Variants in KLRG1 observed in about 807,000 individuals in gnomAD.
KLRG1 encodes killer cell lectin-like receptor subfamily G member 1.
A neutral mutation model predicts 21.8 loss-of-function variants in KLRG1; 16 were observed. That is an observed-to-expected ratio of 0.73 (90% confidence interval 0.50 to 1.11). The LOEUF is 1.11. KLRG1 is among the 50% of genes most tolerant of loss of function. KLRG1 has a pLI of 0.00. For missense variants in KLRG1, 173 were observed against 218.3 expected, an observed-to-expected ratio of 0.79 and a Z score of 1.31; for synonymous variants, 69 against 75.9, an observed-to-expected ratio of 0.91 and a Z score of 0.47.
chr12:9,152,882 G>C, the KLRG1 span: 4 of 1,614,030 alleles, frequency 2.5e-6, no homozygotes, highest in Non-Finnish European at 3.4e-6. Context: ...CAAGTTTGGG[G>C]CACAGTCTGC....
chr12:9,080,407 G>A, the KLRG1 span: 4 of 314,290 alleles, frequency 1.3e-5, no homozygotes, highest in East Asian at 5.4e-5. Flanking sequence ...ATGTAGAATC[G>A]CATGCCAAAT....
At chr12:9,148,390 T>A in the KLRG1 span, among the ~76,000 whole-genome samples, 1 of 152,212 alleles carries the variant, frequency 6.6e-6, no homozygotes, top group Non-Finnish European at 1.5e-5. Context: ...ACTGTTACTT[T>A]TATCTTTAAA....
At chr12:9,105,827 C>T in the KLRG1 span, among the ~76,000 whole-genome samples, 6 of 152,162 alleles carry the variant, frequency 3.9e-5, no homozygotes, top group African/African-American at 1.4e-4. Flanking sequence ...CACCTACCCA[C>T]CTGTTTCCAT....
the KLRG1 span, chr12:9,065,148 T>TCC: frequency 9.3e-5 from 1 of 10,780 alleles, no homozygotes; most frequent in African/African-American, 3.7e-4. Flanking sequence ...AACATTCCCT[T>TCC]CCTCCCCCCC....
chr12:9,105,148 T>G, the KLRG1 span, among the ~76,000 whole-genome samples: 1 of 152,188 alleles, frequency 6.6e-6, no homozygotes, highest in Non-Finnish European at 1.5e-5. Context: ...CAATTCTTTT[T>G]CAGTATAAGC....
chr12:9,169,365 T>C, the KLRG1 span: 1 of 1,394,116 alleles, frequency 7.2e-7, no homozygotes, highest in Non-Finnish European at 9.8e-7. Flanking sequence ...TATGAATAGA[T>C]ACAGAGTTTT....
chr12:9,004,233 A>T (rs1006506739), intron 3 of KLRG1, among the ~76,000 whole-genome samples: 7 of 152,300 alleles, frequency 4.6e-5, no homozygotes, highest in East Asian at 1.9e-4. Context: ...ATGGGATGGC[A>T]GGGTCAAATG....
the KLRG1 span, among the ~76,000 whole-genome samples, chr12:9,155,492 A>ATTG: frequency 3.6e-4 from 54 of 151,274 alleles, no homozygotes; most frequent in African/African-American, 1.1e-3. Context: ...TGTTGTTGTT[A>ATTG]TTGTTGTTGT....
the KLRG1 span, among the ~76,000 whole-genome samples, chr12:9,139,670 C>T: frequency 6.6e-6 from 1 of 152,098 alleles, no homozygotes. Context: ...ACCCTTTTAT[C>T]ATTATAAAAT....
the KLRG1 span, among the ~76,000 whole-genome samples, chr12:9,144,974 G>T: frequency 9.9e-5 from 15 of 152,190 alleles, no homozygotes; most frequent in Non-Finnish European, 4.4e-5. Flanking sequence ...CCAAGATGAT[G>T]ATACTCCTGC....
the KLRG1 span, chr12:9,160,210 C>A: frequency 1.6e-6 from 2 of 1,231,290 alleles, no homozygotes; most frequent in South Asian, 2.9e-5. Context: ...TTGTTGTTTT[C>A]ATAAAAATTA....
chr12:9,152,801 G>T, the KLRG1 span: 1 of 1,606,792 alleles, frequency 6.2e-7, no homozygotes, highest in Non-Finnish European at 8.5e-7. Flanking sequence ...CCAAAGATAG[G>T]TGATTAGGTT....
chr12:8,983,322 T>A (rs994206427), intron 1 of KLRG1, among the ~76,000 whole-genome samples: 1 of 151,992 alleles, frequency 6.6e-6, no homozygotes, highest in Non-Finnish European at 1.5e-5. Context: ...GAAAATATTT[T>A]TACTTCCTCT....
the KLRG1 span, chr12:9,077,413 A>G: frequency 3.1e-6 from 5 of 1,612,382 alleles, no homozygotes; most frequent in Non-Finnish European, 4.2e-6. Flanking sequence ...TTCATCTTCT[A>G]CTCCTCCCTG....
chr12:9,158,473 T>C, the KLRG1 span: 1 of 1,614,202 alleles, frequency 6.2e-7, no homozygotes, highest in Non-Finnish European at 8.5e-7. Flanking sequence ...CCATTGTCCT[T>C]CTGCATCTGG....
the KLRG1 span, among the ~76,000 whole-genome samples, chr12:9,064,109 C>T: frequency 6.6e-6 from 1 of 152,216 alleles, no homozygotes; most frequent in African/African-American, 2.4e-5. The surrounding 1 kb of genome is among the most constrained non-coding windows in gnomAD (Gnocchi z 4.0). Context: ...ATACTTTCTC[C>T]TGGCCTTTTT....
chr12:9,122,486 C>T, the KLRG1 span, among the ~76,000 whole-genome samples: 1 of 152,152 alleles, frequency 6.6e-6, no homozygotes, highest in Admixed American at 6.5e-5. Flanking sequence ...CTTAATTACT[C>T]AGATGATGCT....
At chr12:9,053,132 T>C in the KLRG1 span, among the ~76,000 whole-genome samples, 2 of 152,112 alleles carry the variant, frequency 1.3e-5, no homozygotes, top group Admixed American at 6.5e-5. Context: ...ATCCCAGAGA[T>C]ATGCACATTA....
chr12:9,056,155 T>C, the KLRG1 span, among the ~76,000 whole-genome samples: 1 of 152,046 alleles, frequency 6.6e-6, no homozygotes, highest in Non-Finnish European at 1.5e-5. Context: ...AAACACACAA[T>C]GGGAGAAAAG....
Sources: allele counts gnomAD v4.1 joint callset (sites outside exome capture counted in the v4.1 genomes callset), GRCh38; gene constraint gnomAD v4.1.1; non-coding constraint Gnocchi (gnomAD v3.1); transcripts MANE v1.5; gene names NCBI Gene and HGNC (gene_info 2026-07-23, HGNC 2026-07-21).